ANOS1: variants seen among roughly 807,000 people sequenced by gnomAD.
ANOS1 encodes anosmin 1, also known as anosmin-1.
A neutral mutation model predicts 59.0 loss-of-function variants in ANOS1; 6 were observed. The ratio of observed to expected loss-of-function variants is 0.10; its 90% CI spans 0.06 to 0.20. The LOEUF (loss-of-function observed/expected upper bound fraction) is 0.20. Ranked by LOEUF, ANOS1 falls within the 10% of genes least tolerant of loss-of-function variation. The pLI is 1.00. For missense variants in ANOS1, 433 were observed against 542.3 expected (o/e 0.80, Z 2.00); for synonymous variants, 217 against 223.4 (o/e 0.97, Z 0.25).
At chrX:8,608,496 GA>G (rs199653624) in intron 3 of ANOS1, among the ~76,000 whole-genome samples, 1,544 of 110,074 alleles carry the variant, frequency 0.014, 10 homozygotes, top group Non-Finnish European at 0.021. Context: ...CAAGATACAA[GA>G]AAAAAAAATC....
intron 3 of ANOS1, among the ~76,000 whole-genome samples, chrX:8,612,859 C>T (rs1282535707): frequency 2.1e-5 from 2 of 96,309 alleles, no homozygotes; most frequent in Non-Finnish European, 4.3e-5. Flanking sequence ...ATGGAAATAA[C>T]ATATAAAAGT....
intron 4 of ANOS1, among the ~76,000 whole-genome samples, chrX:8,590,671 C>A (rs1930601022): frequency 8.9e-6 from 1 of 111,955 alleles, no homozygotes; most frequent in East Asian, 2.8e-4. Flanking sequence ...GAACATTCTG[C>A]AATAGCAAAT....
At chrX:8,661,063 G>C (rs5933675) in intron 2 of ANOS1, among the ~76,000 whole-genome samples, 51,011 of 110,253 alleles carry the variant, frequency 0.46, 10,811 homozygotes, top group African/African-American at 0.84. Context: ...GCTGGAAGTT[G>C]AAAATCAAGG....
Position 8,570,505 on chromosome X carries a change from C to T in ANOS1, c.1056G>A (p.Thr352=), listed in dbSNP as rs751290377. The change falls in exon 7 of 14, where the codon ACG becomes ACA. Residue 352 remains threonine (T), a synonymous_variant. Coordinates refer to ENST00000262648, the MANE Select transcript of ANOS1 (RefSeq NM_000216.4). Reference sequence around the variant, plus strand: ...TCCTCCAGTTCCCACTCACCCCATCCGTAGTCTTTCTCCGCTTCTTCTTTG... The same window carrying T: ...TCCTCCAGTTCCCACTCACCCCATCTGTAGTCTTTCTCCGCTTCTTCTTTG... ...VPTKKKRRKT[T]DGFQNSVILE... is the part of the protein sequence containing the mutation. The T allele has an allele frequency of 4.1e-5, 49 of 1,204,613 alleles. No individual in the cohort carries two copies. Among genetic ancestry groups the T allele is most frequent in the East Asian group, 5.9e-5 (2 of 33,692 alleles).
At position 8,533,144 on chromosome X, in the gene ANOS1, C is replaced by T. The variant is rs929530254; in HGVS notation, c.1985-91G>A. 1.1e-4 allele frequency: 62 copies of T among 574,629 alleles called. No individual in the cohort carries two copies. The Admixed American group carries it at 1.6e-3, about 15-fold the overall frequency. 47.4% of individuals were successfully genotyped at this position (574,629 alleles called of 1,213,427 possible). ...TTTATTTGTAGAAAAAGCACGAGAC[C>T]CTGGCAAATGTTCCTTCCTATGACC... is the stretch of plus-strand genomic sequence containing the variant. On this transcript the variant is annotated intron_variant, in intron 13 of 13. Transcript: ENST00000262648.
At chrX:8,688,170 C>T (rs766157555) in intron 2 of ANOS1, among the ~76,000 whole-genome samples, 36 of 112,010 alleles carry the variant, frequency 3.2e-4, no homozygotes, top group African/African-American at 1.1e-3. Context: ...GTGACTGTCA[C>T]GGCAGAGATA....
rs760910756 is a variant in ANOS1, at chrX:8,725,711, GAT to G, written c.207+6117_207+6118del. ...ATATATATACAGATATATATATACA[GAT>G]ATATATATATACAGATATATATATA... is the stretch of plus-strand genomic sequence containing the variant. On this transcript the variant is annotated intron_variant, in intron 1 of 13. Transcript: ENST00000262648. 1.3e-3 allele frequency among the ~76,000 whole-genome samples: 52 copies of G among 40,343 alleles called. 4 individuals carry two copies. The highest frequency in any genetic ancestry group is 2.6e-3 in the East Asian group (3 of 1,165). 35.0% of individuals were successfully genotyped at this position (40,343 alleles called of 115,157 possible).
At chrX:8,702,335 A>G (rs1373091191) in intron 1 of ANOS1, among the ~76,000 whole-genome samples, 2 of 112,390 alleles carry the variant, frequency 1.8e-5, no homozygotes, top group Non-Finnish European at 3.8e-5. Flanking sequence ...AAGAGGGCAT[A>G]ACATACCCTT....
At chrX:8,591,371 G>A (rs1930615095) in intron 4 of ANOS1, among the ~76,000 whole-genome samples, 1 of 111,267 alleles carries the variant, frequency 9.0e-6, no homozygotes, top group Non-Finnish European at 1.9e-5. Flanking sequence ...CACATTCTCC[G>A]AGACTTCTGA....
intron 1 of ANOS1, among the ~76,000 whole-genome samples, chrX:8,721,456 G>A (rs1333695873): frequency 3.6e-5 from 4 of 111,934 alleles, no homozygotes; most frequent in African/African-American, 1.3e-4. Context: ...TGGTCAAATA[G>A]ATATTTTATG....
At chrX:8,630,534 G>A (rs1253023567) in intron 2 of ANOS1, among the ~76,000 whole-genome samples, 1 of 112,209 alleles carries the variant, frequency 8.9e-6, no homozygotes, top group Non-Finnish European at 1.9e-5. Flanking sequence ...CACAGAACTA[G>A]GGACCCATAA....
chrX:8,644,480 GA>G lies in ANOS1; in HGVS notation c.256-20811del, dbSNP rs36025872. ...CATCACATGACAGATAGCAGGCCCT[GA>G]AAAAAAAAAAAGTATTTTACCTCAA... On this transcript the variant is annotated intron_variant, in intron 2 of 13. Transcript: ENST00000262648. Among the ~76,000 whole-genome samples the G allele has an allele frequency of 3.3e-3, 334 of 100,329 alleles. 1 individual carries two copies. The highest frequency in any genetic ancestry group is 9.9e-3 in the African/African-American group (274 of 27,695). 87.1% of individuals were successfully genotyped at this position (100,329 alleles called of 115,157 possible). A position where few individuals can be genotyped will look rare whatever the true frequency, so the allele number is the denominator to read the frequency against.
chrX:8,659,181 C>T (rs868815452), intron 2 of ANOS1, among the ~76,000 whole-genome samples: 1 of 108,955 alleles, frequency 9.2e-6, no homozygotes, highest in African/African-American at 3.4e-5. Flanking sequence ...GAGCCAAGAT[C>T]GTGCCATTGC....
intron 12 of ANOS1, 64 bp from the exon 13 acceptor site, chrX:8,534,524 A>G: frequency 9.0e-7 from 1 of 1,111,316 alleles, no homozygotes. Flanking sequence ...TGCAATGCAC[A>G]GAGAGCCTAG....
intron 2 of ANOS1, among the ~76,000 whole-genome samples, chrX:8,665,599 G>A (rs753671234): frequency 1.8e-5 from 2 of 112,101 alleles, no homozygotes; most frequent in South Asian, 3.7e-4. Context: ...AAAGACAATT[G>A]TTGAACTCTA....
chrX:8,571,422 C>T (rs1423883561), intron 6 of ANOS1, among the ~76,000 whole-genome samples: 1 of 111,354 alleles, frequency 9.0e-6, no homozygotes, highest in Non-Finnish European at 1.9e-5. Context: ...AAATTCAGCT[C>T]ATAAAAGCAA....
rs1469298319 is a variant in ANOS1, at chrX:8,587,973, G to A, written c.547C>T (p.Pro183Ser). The A allele has an allele frequency of 1.7e-6, 2 of 1,206,371 alleles. No individual in the cohort carries two copies. Among genetic ancestry groups the A allele is most frequent in the Admixed American group, 4.4e-5 (2 of 45,847 alleles). Residue 183 changes from proline to serine, a missense_variant, in exon 5 of 14, where the codon CCC (proline) becomes TCC (serine). Pro to Ser is a moderately conservative substitution (Grantham distance 74). Coordinates refer to ENST00000262648, the MANE Select transcript of ANOS1 (RefSeq NM_000216.4). ...QVPKTLYKGV[P>S]LKPRKELRFT... ...CGTAACTCTTTTCTGGGCTTCAGGGGGACACCTGAAACAGGACCGTATCAA... is the reference window on the plus strand; with the variant it reads ...CGTAACTCTTTTCTGGGCTTCAGGGAGACACCTGAAACAGGACCGTATCAA...
chrX:8,721,643 A>C (rs1316509925), intron 1 of ANOS1, among the ~76,000 whole-genome samples: 1 of 111,714 alleles, frequency 9.0e-6, no homozygotes, highest in Non-Finnish European at 1.9e-5. Context: ...TCTTTCTTAG[A>C]GGTGTGGCCA....
intron 2 of ANOS1, among the ~76,000 whole-genome samples, chrX:8,697,856 C>T (rs1932706793): frequency 9.0e-6 from 1 of 111,519 alleles, no homozygotes; most frequent in Admixed American, 9.6e-5. Flanking sequence ...TATGCACATG[C>T]CTGAATTTTC....
Sources: allele counts gnomAD v4.1 joint callset (sites outside exome capture counted in the v4.1 genomes callset), GRCh38; gene constraint gnomAD v4.1.1; transcripts MANE v1.5; gene names NCBI Gene and HGNC (gene_info 2026-07-23, HGNC 2026-07-21).